The following DTNB variants were observed in gnomAD, a reference collection of about 807,000 sequenced individuals.
DTNB encodes the protein dystrobrevin beta, also known as DTN-B.
DTNB carries 63 observed loss-of-function variants against 90.7 expected under a neutral mutation model. The ratio of observed to expected loss-of-function variants is 0.69; its 90% confidence interval spans 0.57 to 0.86. The LOEUF (loss-of-function observed/expected upper bound fraction) is 0.86, where lower values mean the gene tolerates loss of function less well. Among genes scored for constraint, DTNB ranks in the 40% least tolerant of loss-of-function variants. DTNB has a pLI of 0.00. For synonymous variants in DTNB, 277 were observed against 286.7 expected (o/e 0.97, Z 0.34); for missense variants, 744 against 807.1 (o/e 0.92, Z 0.95).
chr2:25,402,443 A>T (rs1266761304), intron 16 of DTNB, among the ~76,000 whole-genome samples: 3 of 152,152 alleles, frequency 2.0e-5, no homozygotes, highest in Non-Finnish European at 2.9e-5. Context: ...TCTTTTATTT[A>T]TTCTTATTTT....
chr2:25,428,227 A>AT (rs1444464993), intron 14 of DTNB, among the ~76,000 whole-genome samples: 2 of 150,468 alleles, frequency 1.3e-5, no homozygotes, highest in African/African-American at 4.9e-5. Context: ...TGTCTCTGCT[A>AT]TTTTTCCTTC....
intron 12 of DTNB, among the ~76,000 whole-genome samples, chr2:25,447,385 A>T (rs534978569): frequency 6.6e-6 from 1 of 152,140 alleles, no homozygotes; most frequent in Non-Finnish European, 1.5e-5. Flanking sequence ...ATGTAAATGT[A>T]CCCAAAGTAA....
chr2:25,388,402 T>G (rs752030808), intron 16 of DTNB, 41 bp from the exon 17 acceptor site: 1 of 1,557,828 alleles, frequency 6.4e-7, no homozygotes, highest in South Asian at 1.2e-5. Flanking sequence ...CTCAAGTACC[T>G]GACCTCTTTG....
At chr2:25,647,692 G>A (rs2079807442) in intron 2 of DTNB, among the ~76,000 whole-genome samples, 1 of 152,026 alleles carries the variant, frequency 6.6e-6, no homozygotes, top group African/African-American at 2.4e-5. Flanking sequence ...CTGGGCAACA[G>A]AGCAATACCC....
chr2:25,598,433 C>T (rs1237418500), intron 5 of DTNB, among the ~76,000 whole-genome samples: 1 of 152,156 alleles, frequency 6.6e-6, no homozygotes, highest in Non-Finnish European at 1.5e-5. Context: ...GTTTACGATA[C>T]TGTTATTCCG....
At chr2:25,616,145 A>T (rs113015582) in intron 4 of DTNB, among the ~76,000 whole-genome samples, 32 of 152,228 alleles carry the variant, frequency 2.1e-4, no homozygotes, top group African/African-American at 7.5e-4. Context: ...TGCAGAAAAG[A>T]AACTGTTGCT....
At chr2:25,568,989 T>C (rs1481227884) in intron 8 of DTNB, among the ~76,000 whole-genome samples, 1 of 152,166 alleles carries the variant, frequency 6.6e-6, no homozygotes, top group Non-Finnish European at 1.5e-5. Flanking sequence ...GGATGCTGTC[T>C]CTTAAGACAC....
chr2:25,624,201 T>C (rs1032626218), intron 4 of DTNB, among the ~76,000 whole-genome samples: 3 of 152,236 alleles, frequency 2.0e-5, no homozygotes, highest in African/African-American at 7.2e-5. Context: ...CTTCAAGTTG[T>C]CCCACCCTTC....
At chr2:25,457,586 T>G (rs2060241734) in intron 10 of DTNB, among the ~76,000 whole-genome samples, 1 of 152,178 alleles carries the variant, frequency 6.6e-6, no homozygotes. Context: ...TTCCCATTTG[T>G]CCCGAGAATA....
At chr2:25,616,483 A>G (rs1018472040) in intron 4 of DTNB, among the ~76,000 whole-genome samples, 5 of 152,158 alleles carry the variant, frequency 3.3e-5, no homozygotes, top group African/African-American at 1.2e-4. Flanking sequence ...CAAATACAGA[A>G]TAACAGATAT....
At chr2:25,436,087 A>T (rs1161124298) in intron 12 of DTNB, among the ~76,000 whole-genome samples, 2 of 152,254 alleles carry the variant, frequency 1.3e-5, no homozygotes, top group Non-Finnish European at 1.5e-5. Flanking sequence ...CTTGTAATCC[A>T]GCACTTCGGG....
At chr2:25,599,135 G>GT (rs1235908485) in intron 5 of DTNB, 3 of 151,306 alleles carry the variant, frequency 2.0e-5, no homozygotes, top group African/African-American at 7.3e-5. Flanking sequence ...GACAGTGTGT[G>GT]CGGGGACAGG....
At chr2:25,570,431 A>G (rs1034165036) in intron 8 of DTNB, among the ~76,000 whole-genome samples, 2 of 141,416 alleles carry the variant, frequency 1.4e-5, no homozygotes, top group Non-Finnish European at 3.1e-5. Flanking sequence ...AAAAAAAAAA[A>G]GAAGAAAAAA....
chr2:25,522,635 A>T (rs1200186432), intron 9 of DTNB, among the ~76,000 whole-genome samples: 2 of 152,106 alleles, frequency 1.3e-5, no homozygotes, highest in Non-Finnish European at 2.9e-5. Context: ...ACATTATCTT[A>T]AAAAAATCCT....
chr2:25,511,340 CT>C (rs1057234895), intron 9 of DTNB, among the ~76,000 whole-genome samples: 1 of 151,322 alleles, frequency 6.6e-6, no homozygotes, highest in Non-Finnish European at 1.5e-5. Flanking sequence ...TTTAAGGTTA[CT>C]TTTTTTTTGA....
At chr2:25,416,419 C>G (rs927478676) in intron 16 of DTNB, among the ~76,000 whole-genome samples, 1 of 152,224 alleles carries the variant, frequency 6.6e-6, no homozygotes, top group Non-Finnish European at 1.5e-5. Flanking sequence ...CGCCTGTAAT[C>G]CCAACACTTT....
At chr2:25,403,455 T>C (rs1179931663) in intron 16 of DTNB, among the ~76,000 whole-genome samples, 1 of 152,128 alleles carries the variant, frequency 6.6e-6, no homozygotes, top group Admixed American at 6.6e-5. Context: ...TCAAAGCCAG[T>C]TCTCTGCAAA....
intron 8 of DTNB, among the ~76,000 whole-genome samples, chr2:25,567,929 G>A (rs947701841): frequency 1.3e-5 from 2 of 152,148 alleles, no homozygotes; most frequent in Admixed American, 6.5e-5. Flanking sequence ...GGGAGGCCAC[G>A]GTGGGCAGAT....
chr2:25,396,554 T>C (rs1380359548), intron 16 of DTNB, among the ~76,000 whole-genome samples: 1 of 150,484 alleles, frequency 6.6e-6, no homozygotes, highest in Non-Finnish European at 1.5e-5. Context: ...TTTTGGGACT[T>C]GAGGGAAAGG....
Sources: allele counts gnomAD v4.1 joint callset (sites outside exome capture counted in the v4.1 genomes callset), GRCh38; gene constraint gnomAD v4.1.1; transcripts MANE v1.5; gene names NCBI Gene and HGNC (gene_info 2026-07-23, HGNC 2026-07-21).